The following DGLUCY variants were observed in gnomAD, a reference collection of about 807,000 sequenced individuals.
DGLUCY encodes D-glutamate cyclase.
Under a neutral mutation model 58.5 loss-of-function variants are expected in DGLUCY, and 58 were observed. The ratio of observed to expected loss-of-function variants is 0.99; its 90% confidence interval spans 0.80 to 1.23. The LOEUF is 1.23. Among genes scored for constraint, DGLUCY ranks in the 50% most tolerant of loss-of-function variants. The pLI is 0.00. For synonymous variants in DGLUCY, 325 were observed against 314.1 expected (o/e 1.03, Z -0.37); for missense variants, 779 against 784.7 (o/e 0.99, Z 0.09).
At chr14:91,088,481 CAG>C (rs1342829570) in intron 1 of DGLUCY, among the ~76,000 whole-genome samples, 1 of 152,156 alleles carries the variant, frequency 6.6e-6, no homozygotes, top group Non-Finnish European at 1.5e-5. Flanking sequence ...ATAAAAAAAT[CAG>C]AGAAGCCGAT....
intron 12 of DGLUCY, among the ~76,000 whole-genome samples, chr14:91,208,129 G>A (rs935777498): frequency 3.9e-5 from 6 of 152,088 alleles, no homozygotes; most frequent in African/African-American, 7.2e-5. Context: ...TGCAAAATTT[G>A]CTTCAAAAAT....
rs182976102 is a variant in DGLUCY at position 91,203,930 on chromosome 14, G to C, written c.1445-776G>C. Reference sequence around the variant, plus strand: ...GATCTCAAGTGATCTCCCTGCCTTGGCCTCCCAAAGTGCTGGGATTACAGG... The same window carrying C: ...GATCTCAAGTGATCTCCCTGCCTTGCCCTCCCAAAGTGCTGGGATTACAGG... On this transcript the variant is annotated intron_variant, in intron 11 of 13. Transcript: ENST00000256324. Among the ~76,000 whole-genome samples, 71 of 152,242 alleles carry C rather than the reference G, an allele frequency of 4.7e-4. 1 individual carries two copies. The East Asian group carries it at 0.014, about 29-fold the overall frequency.
chr14:91,198,192 G>A (rs1268179233), intron 10 of DGLUCY, among the ~76,000 whole-genome samples: 4 of 151,764 alleles, frequency 2.6e-5, no homozygotes, highest in South Asian at 4.2e-4. Context: ...ACAGGCACCC[G>A]CCACCATACC....
intron 1 of DGLUCY, among the ~76,000 whole-genome samples, chr14:91,128,531 A>G (rs2045855862): frequency 6.6e-6 from 1 of 152,092 alleles, no homozygotes; most frequent in Admixed American, 6.6e-5. Context: ...AATAAAAGAA[A>G]GATCCAGAAA....
intron 1 of DGLUCY, among the ~76,000 whole-genome samples, chr14:91,119,296 T>A (rs982702132): frequency 9.2e-5 from 14 of 151,948 alleles, no homozygotes; most frequent in Non-Finnish European, 1.8e-4. Context: ...GGGGAGGAAT[T>A]AGAGGGCAAA....
intron 11 of DGLUCY, among the ~76,000 whole-genome samples, chr14:91,203,508 G>C (rs551858606): frequency 1.3e-5 from 2 of 152,300 alleles, no homozygotes; most frequent in African/African-American, 4.8e-5. Flanking sequence ...CAGGTGCATT[G>C]CATGAAAGGT....
At chr14:91,071,805 T>C (rs1456220590) in intron 1 of DGLUCY, among the ~76,000 whole-genome samples, 2 of 151,344 alleles carry the variant, frequency 1.3e-5, no homozygotes, top group African/African-American at 4.9e-5. Context: ...GAGGCAGAGG[T>C]TGCAGTCAGC....
intron 12 of DGLUCY, among the ~76,000 whole-genome samples, chr14:91,206,227 G>A (rs1022120514): frequency 6.6e-5 from 10 of 151,956 alleles, no homozygotes; most frequent in East Asian, 1.9e-4. Flanking sequence ...TCTGTGCCAC[G>A]TAAGGGGGAG....
chr14:91,163,243 G>A (rs1206295814), intron 3 of DGLUCY, among the ~76,000 whole-genome samples: 2 of 152,050 alleles, frequency 1.3e-5, no homozygotes, highest in African/African-American at 4.8e-5. Context: ...CTGGGCGACA[G>A]AGTGAGACTC....
In DGLUCY at chr14:91,218,435, A is replaced by G. The variant is rs1323504696; in HGVS notation, c.1716+2879A>G. ...TTTTTTTTTCTTGAGATGGAGTCTC[A>G]CTCTGTTACCAGGCTGGAGTGCAGT... On this transcript the variant is annotated intron_variant, in intron 13 of 13. Coordinates refer to ENST00000256324, the MANE Select transcript of DGLUCY (RefSeq NM_001102368.3). Among the ~76,000 whole-genome samples the G allele has an allele frequency of 2.0e-5, 3 of 149,024 alleles. No individual in the cohort carries two copies. In the Admixed American group the frequency reaches 2.0e-4, roughly 10 times the overall value.
At chr14:91,161,274 G>T (rs1031776225) in intron 3 of DGLUCY, among the ~76,000 whole-genome samples, 3 of 152,178 alleles carry the variant, frequency 2.0e-5, no homozygotes, top group African/African-American at 7.2e-5. Context: ...GTTTCACCGT[G>T]TTAGCCAGGA....
intron 1 of DGLUCY, among the ~76,000 whole-genome samples, chr14:91,143,635 C>G (rs1284491366): frequency 6.6e-6 from 1 of 152,172 alleles, no homozygotes; most frequent in Non-Finnish European, 1.5e-5. Flanking sequence ...TCTTGAACCT[C>G]TATATCACCC....
intron 1 of DGLUCY, among the ~76,000 whole-genome samples, chr14:91,152,057 G>A (rs1279579888): frequency 2.6e-5 from 4 of 152,192 alleles, no homozygotes; most frequent in Admixed American, 6.5e-5. Context: ...TGTTTAGAAA[G>A]GGGAGGAGAA....
upstream of DGLUCY, among the ~76,000 whole-genome samples, chr14:91,106,694 GA>G (rs1348632643): frequency 1.0e-4 from 13 of 124,056 alleles, no homozygotes; most frequent in Non-Finnish European, 1.9e-4. Context: ...GCAACAAAGC[GA>G]GACTCTGTCT....
At position 91,082,893 on chromosome 14, in the gene DGLUCY, A is replaced by T. The variant is rs550546896; in HGVS notation, c.-82+22189A>T. Among the ~76,000 whole-genome samples the T allele has an allele frequency of 2.0e-4, 30 of 152,308 alleles. No individual in the cohort carries two copies. In the South Asian group the frequency reaches 6.2e-3, roughly 32 times the overall value. On this transcript the variant is annotated intron_variant, in intron 1 of 4. Coordinates refer to the DGLUCY transcript ENST00000521334. ...CTCAGCCTCCTGAGTAGCTGGGATT[A>T]CAGTCATGCGCAACTATGCTTGGTT... is the stretch of plus-strand genomic sequence containing the variant.
At position 91,160,257 on chromosome 14, in the gene DGLUCY, C is replaced by G; in HGVS notation, c.-29-9C>G. 1.3e-6 allele frequency: 2 copies of G among 1,534,994 alleles called. No homozygotes were observed. The highest frequency in any genetic ancestry group is 1.8e-6 in the Non-Finnish European group (2 of 1,108,804). On this transcript the variant is annotated splice_polypyrimidine_tract_variant and intron_variant, in intron 2 of 13. Transcript: ENST00000256324. ...TTTCTAATTTGTTCCCTTTCCTTCC[C>G]TCACCCAGATTCTCTGCTACTTATT...
chr14:91,191,234 C>T (rs775649234), intron 9 of DGLUCY, among the ~76,000 whole-genome samples: 15 of 152,214 alleles, frequency 9.9e-5, no homozygotes, highest in Non-Finnish European at 1.6e-4. Context: ...ACGCATATGA[C>T]GTGCCTAGAG....
chr14:91,224,620 G>A, intron 13 of DGLUCY, 64 bp from the exon 14 acceptor site: 2 of 1,472,852 alleles, frequency 1.4e-6, no homozygotes, highest in Non-Finnish European at 1.8e-6. Flanking sequence ...TTATAAATGT[G>A]TATAAAAGAA....
intron 1 of DGLUCY, among the ~76,000 whole-genome samples, chr14:91,136,682 CA>C (rs965321170): frequency 7.1e-6 from 1 of 141,804 alleles, no homozygotes; most frequent in Non-Finnish European, 1.5e-5. Context: ...GACTCTGTCT[CA>C]AAAAAAAAGG....
Sources: allele counts gnomAD v4.1 joint callset (sites outside exome capture counted in the v4.1 genomes callset), GRCh38; gene constraint gnomAD v4.1.1; transcripts MANE v1.5; gene names NCBI Gene and HGNC (gene_info 2026-07-23, HGNC 2026-07-21).